The following MAGI2 variants were observed in gnomAD, a reference collection of about 807,000 sequenced individuals.
MAGI2 encodes the protein membrane associated guanylate kinase, WW and PDZ domain containing 2, also known as membrane-associated guanylate kinase, WW and PDZ domain-containing protein 2.
A neutral mutation model predicts 133.3 loss-of-function variants in MAGI2; 35 were observed. The observed-to-expected ratio is 0.26, with a 90% CI of 0.20 to 0.35. MAGI2 has a LOEUF of 0.35. MAGI2 is among the 10% of genes least tolerant of loss of function. The probability of loss-of-function intolerance (pLI) is 1.00; values close to 1 mark genes in which losing one functional copy is unlikely to be tolerated. For synonymous variants in MAGI2, 729 were observed against 710.6 expected (o/e 1.03, Z -0.41); for missense variants, 1,636 against 1,863.4 (o/e 0.88, Z 2.25).
intron 6 of MAGI2, among the ~76,000 whole-genome samples, chr7:78,433,871 T>C (rs1336164012): frequency 6.6e-6 from 1 of 152,170 alleles, no homozygotes; most frequent in Non-Finnish European, 1.5e-5. Flanking sequence ...TTTTACATTT[T>C]AGGGTTCCAG....
intron 1 of MAGI2, among the ~76,000 whole-genome samples, chr7:79,345,365 C>G (rs1415147700): frequency 6.6e-6 from 1 of 152,030 alleles, no homozygotes. Flanking sequence ...GATTCTTTCT[C>G]ACAGGACTCA....
chr7:79,359,916 G>A (rs1842276727), intron 1 of MAGI2, among the ~76,000 whole-genome samples: 1 of 152,074 alleles, frequency 6.6e-6, no homozygotes, highest in Non-Finnish European at 1.5e-5. Flanking sequence ...ATATAAACAT[G>A]CTCTTTGAGG....
At chr7:78,049,975 T>C (rs1020246313) in intron 21 of MAGI2, among the ~76,000 whole-genome samples, 1 of 152,218 alleles carries the variant, frequency 6.6e-6, no homozygotes, top group Non-Finnish European at 1.5e-5. Context: ...TAACATCTTA[T>C]GGTCCTTTGG....
intron 21 of MAGI2, among the ~76,000 whole-genome samples, chr7:78,041,014 G>A (rs566795129): frequency 6.6e-6 from 1 of 152,274 alleles, no homozygotes; most frequent in Non-Finnish European, 1.5e-5. Flanking sequence ...GTGGCGTGTT[G>A]ATGGGGAAAG....
Position 78,358,185 on chromosome 7 carries a change from AAAAAAAAAAAAATAT to A in MAGI2, c.1103+10956_1103+10970del, listed in dbSNP as rs1792315826. 5.4e-5 allele frequency: 3 copies of A among 55,702 alleles called. No homozygotes were observed. The South Asian group carries it at 1.8e-3, about 34-fold the overall frequency. The allele number at this position is 55,702 out of a possible 1,614,324, so 3.5% of individuals were successfully genotyped here. A position where few individuals can be genotyped will look rare whatever the true frequency, so the allele number is the denominator to read the frequency against. On this transcript the variant is annotated intron_variant, in intron 7 of 21. Coordinates refer to ENST00000354212, the MANE Select transcript of MAGI2 (RefSeq NM_012301.4). ...CTCAAAAAAAAAAAAAAAAAAAAAA[AAAAAAAAAAAAATAT>A]ATATATATATATATATATATATATA... is the stretch of plus-strand genomic sequence containing the variant.
intron 1 of MAGI2, among the ~76,000 whole-genome samples, chr7:79,085,889 G>T (rs2129542185): frequency 6.6e-6 from 1 of 151,974 alleles, no homozygotes; most frequent in South Asian, 2.1e-4. Flanking sequence ...GATATGGCAG[G>T]CAGTTTACAA....
Position 78,521,606 on chromosome 7 carries a change from G to A in MAGI2, c.578C>T (p.Ala193Val). The change falls in exon 4 of 22, where the codon GCA becomes GTA. Residue 193 changes from alanine (A) to valine (V), a missense_variant. By Grantham distance (64) the Ala-to-Val change is moderately conservative (BLOSUM62 0). Transcript: ENST00000354212. ...GTCTGTTACATTTAACAATAATGGT[G>A]CTGGTTCTGCTGGCGGCTTTGGGGT... ...YGTPKPPAEP[A>V]PLLLNVTDQI... is the part of the protein sequence containing the mutation. The A allele has an allele frequency of 1.2e-6, 2 of 1,614,104 alleles. No individual in the cohort carries two copies. The highest frequency in any genetic ancestry group is 1.7e-6 in the Non-Finnish European group (2 of 1,180,016).
chr7:78,928,153 A>C (rs1230737428), intron 2 of MAGI2, among the ~76,000 whole-genome samples: 1 of 151,978 alleles, frequency 6.6e-6, no homozygotes, highest in Admixed American at 6.6e-5. Flanking sequence ...TTCAAAAAGT[A>C]AACATAACAA....
At chr7:79,198,674 G>A (rs1053936695) in intron 1 of MAGI2, among the ~76,000 whole-genome samples, 2 of 152,022 alleles carry the variant, frequency 1.3e-5, no homozygotes, top group Non-Finnish European at 2.9e-5. Flanking sequence ...AGGATCACCT[G>A]TTAGGGGTTT....
intron 1 of MAGI2, among the ~76,000 whole-genome samples, chr7:79,044,827 A>G (rs886324309): frequency 6.6e-5 from 10 of 152,208 alleles, no homozygotes; most frequent in African/African-American, 1.4e-4. Flanking sequence ...CACAGCAGCC[A>G]GTATAAAATG....
intron 2 of MAGI2, among the ~76,000 whole-genome samples, chr7:78,709,061 C>G (rs1818921050): frequency 6.6e-6 from 1 of 152,130 alleles, no homozygotes; most frequent in Non-Finnish European, 1.5e-5. Flanking sequence ...AACTCTCCCT[C>G]TTTCAGTCCA....
chr7:78,273,894 C>T (rs893755372), intron 9 of MAGI2, among the ~76,000 whole-genome samples: 2 of 152,040 alleles, frequency 1.3e-5, no homozygotes, highest in African/African-American at 4.8e-5. Context: ...TCCTTTAGTT[C>T]GGAGGAGTTT....
intron 1 of MAGI2, among the ~76,000 whole-genome samples, chr7:79,056,655 T>C (rs1346500962): frequency 6.6e-6 from 1 of 152,198 alleles, no homozygotes; most frequent in East Asian, 1.9e-4. Context: ...TGCCATTGTT[T>C]AACATTTTCA....
At chr7:79,145,182 T>C (rs974223825) in intron 1 of MAGI2, among the ~76,000 whole-genome samples, 4 of 152,198 alleles carry the variant, frequency 2.6e-5, no homozygotes, top group African/African-American at 9.6e-5. Flanking sequence ...TGAACATTGC[T>C]TGATTTAAGA....
At chr7:78,539,486 G>GT (rs140182793) in intron 3 of MAGI2, among the ~76,000 whole-genome samples, 30,683 of 150,702 alleles carry the variant, frequency 0.2, 3,606 homozygotes, top group South Asian at 0.28. Flanking sequence ...TTGTTTTTTT[G>GT]TTTTTTTGTG....
chr7:78,971,607 A>T (rs1803788944), intron 2 of MAGI2, among the ~76,000 whole-genome samples: 1 of 151,992 alleles, frequency 6.6e-6, no homozygotes, highest in Non-Finnish European at 1.5e-5. Context: ...GTCAACCCTA[A>T]CTATAAATCC....
chr7:79,131,294 A>G (rs1820918786), intron 1 of MAGI2, among the ~76,000 whole-genome samples: 1 of 152,182 alleles, frequency 6.6e-6, no homozygotes, highest in Non-Finnish European at 1.5e-5. Flanking sequence ...ATTGAATGAT[A>G]ACATCAAGAT....
At chr7:78,631,466 C>G (rs1808993179) in intron 2 of MAGI2, among the ~76,000 whole-genome samples, 1 of 152,106 alleles carries the variant, frequency 6.6e-6, no homozygotes, top group African/African-American at 2.4e-5. Context: ...TGGTGAAGCA[C>G]CAGGCTGATC....
chr7:78,685,119 T>C (rs1399539247), intron 2 of MAGI2, among the ~76,000 whole-genome samples: 1 of 152,222 alleles, frequency 6.6e-6, no homozygotes. Flanking sequence ...CACAATGGTG[T>C]CTCTTGACAC....
Sources: allele counts gnomAD v4.1 joint callset (sites outside exome capture counted in the v4.1 genomes callset), GRCh38; gene constraint gnomAD v4.1.1; transcripts MANE v1.5; gene names NCBI Gene and HGNC (gene_info 2026-07-23, HGNC 2026-07-21).